Variants in GAK observed in about 807,000 individuals in gnomAD.
GAK encodes the protein cyclin-G-associated kinase.
In GAK, 79 loss-of-function variants were observed where a neutral mutation model predicts 143.9. That is an observed-to-expected ratio of 0.55 (90% CI 0.46 to 0.66). GAK has a LOEUF of 0.66. Among genes scored for constraint, GAK ranks in the 30% least tolerant of loss-of-function variants. The pLI is 0.00. For synonymous variants in GAK, 881 were observed against 765.5 expected (o/e 1.15, Z -2.49); for missense variants, 1,693 against 1,779.7 (o/e 0.95, Z 0.88).
At chr4:893,824 G>C (rs767663606) in intron 8 of GAK, 50 bp downstream of exon 8, 8 of 1,518,846 alleles carry the variant, frequency 5.3e-6, no homozygotes, top group East Asian at 2.4e-5. Flanking sequence ...AGCCACGCGG[G>C]GTCTGTGCTC....
intron 24 of GAK, chr4:852,381 G>A (rs908042555): frequency 8.4e-5 from 20 of 239,482 alleles, no homozygotes; most frequent in Admixed American, 6.5e-4. Flanking sequence ...GTCCTAGAGG[G>A]CCACCACCAT....
intron 13 of GAK, 140 bp downstream of exon 13, chr4:883,175 C>T: frequency 1.0e-6 from 1 of 997,300 alleles, no homozygotes; most frequent in Non-Finnish European, 1.4e-6. Flanking sequence ...CCCCTCCTGT[C>T]CCACGCTCTG....
chr4:914,279 CA>C (rs1722606594), intron 1 of GAK, among the ~76,000 whole-genome samples: 1 of 106,854 alleles, frequency 9.4e-6, no homozygotes, highest in Non-Finnish European at 1.9e-5. Flanking sequence ...TGCACGGCCA[CA>C]CACACACACA....
At chr4:877,045 C>T in intron 17 of GAK, 45 bp downstream of exon 17, 2 of 1,347,006 alleles carry the variant, frequency 1.5e-6, no homozygotes, top group Non-Finnish European at 1.1e-6. Flanking sequence ...CCCCATGAGC[C>T]TAGGCGTGAG....
chr4:888,232 G>C (rs1716918216), intron 11 of GAK: 1 of 152,360 alleles, frequency 6.6e-6, no homozygotes, highest in Non-Finnish European at 1.5e-5. Flanking sequence ...TGCGACCGCA[G>C]GGCCAGATGA....
chr4:865,321 C>CTCA (rs1750975083), intron 22 of GAK, 77 bp from the exon 23 acceptor site: 1 of 1,588,570 alleles, frequency 6.3e-7, no homozygotes, highest in Non-Finnish European at 8.6e-7. Flanking sequence ...CCAGGCTGTG[C>CTCA]TCAGGGCCCT....
rs776063176 is a variant in GAK at position 851,018 on chromosome 4, C to A, written c.3575G>T (p.Arg1192Met). 5 of 1,614,060 alleles carry A rather than the reference C, an allele frequency of 3.1e-6. No homozygotes were observed. The Admixed American group carries it at 8.3e-5, about 27-fold the overall frequency. ...DLLSNQGFSS[R>M]SDKKGPKTIA... ...GGTCTTTGGCCCTTTCTTGTCAGACCTGGAGGAGAAGCCTTGATTGGACAA... is the reference window on the plus strand; with the variant it reads ...GGTCTTTGGCCCTTTCTTGTCAGACATGGAGGAGAAGCCTTGATTGGACAA... Residue 1192 changes from arginine to methionine, a missense_variant, in exon 26 of 28, where the codon AGG becomes ATG. By Grantham distance (91) the Arg-to-Met change is moderately conservative (BLOSUM62 -1). Coordinates refer to ENST00000314167, the MANE Select transcript of GAK (RefSeq NM_005255.4).
At chr4:870,211 C>G (rs1284491699) in intron 19 of GAK, among the ~76,000 whole-genome samples, 1 of 152,204 alleles carries the variant, frequency 6.6e-6, no homozygotes, top group Non-Finnish European at 1.5e-5. Context: ...ACACTGCAAA[C>G]CAAGAGCCGA....
chr4:913,874 G>GC (rs1165151976), intron 1 of GAK: 9 of 379,874 alleles, frequency 2.4e-5, no homozygotes, highest in East Asian at 5.2e-5. Context: ...AGCGTGCACG[G>GC]CCCCCCCACA....
intron 1 of GAK, among the ~76,000 whole-genome samples, chr4:930,820 G>C (rs896417749): frequency 3.3e-5 from 5 of 152,158 alleles, no homozygotes; most frequent in African/African-American, 1.2e-4. Context: ...TGGAGACAAA[G>C]TGTGTGATAA....
At chr4:911,644 G>T in intron 4 of GAK, 29 bp downstream of exon 4, 1 of 1,519,576 alleles carries the variant, frequency 6.6e-7, no homozygotes, top group Non-Finnish European at 9.1e-7. Context: ...GGGTTAGATG[G>T]CACCAAGCCG....
At chr4:930,064 G>T (rs1309856486) in intron 1 of GAK, among the ~76,000 whole-genome samples, 1 of 152,224 alleles carries the variant, frequency 6.6e-6, no homozygotes, top group Non-Finnish European at 1.5e-5. Flanking sequence ...TTCTGGAAGT[G>T]TAAACATCTG....
chr4:898,884 G>C (rs1719326524), intron 5 of GAK, among the ~76,000 whole-genome samples: 1 of 151,974 alleles, frequency 6.6e-6, no homozygotes, highest in South Asian at 2.1e-4. Flanking sequence ...AGTATACAGA[G>C]ACACAAAGAA....
chr4:924,278 A>C (rs1724344519), intron 1 of GAK, among the ~76,000 whole-genome samples: 1 of 152,096 alleles, frequency 6.6e-6, no homozygotes, highest in Non-Finnish European at 1.5e-5. Context: ...GAATGGATGT[A>C]ATCAAAATGA....
At chr4:881,874 G>C in intron 15 of GAK, 33 bp downstream of exon 15, 1 of 1,545,928 alleles carries the variant, frequency 6.5e-7, no homozygotes, top group South Asian at 1.2e-5. Context: ...GGCCCACAGA[G>C]CTGTCCCCTG....
intron 24 of GAK, among the ~76,000 whole-genome samples, chr4:858,050 G>A (rs1346687602): frequency 2.0e-5 from 3 of 152,138 alleles, no homozygotes; most frequent in Non-Finnish European, 2.9e-5. Context: ...AGATTCTTCC[G>A]TTCTATTTCA....
intron 9 of GAK, among the ~76,000 whole-genome samples, chr4:891,117 C>A: frequency 6.6e-6 from 1 of 152,104 alleles, no homozygotes; most frequent in South Asian, 2.1e-4. Context: ...CGCCACCACG[C>A]CTGGCTAATT....
rs958748672 is a variant in GAK at position 890,557 on chromosome 4, G to A, written c.1056C>T (p.Gly352=). Residue 352 remains glycine (G), a synonymous_variant, in exon 10 of 28, where the codon GGC becomes GGT. Transcript: ENST00000314167. ...CTCCACTGTAGCCACTGCCAGCGGG[G>A]CCCACGGGAGGGGGTGGCCCTCGGG... ...TLSRGPPPPV[G]PAGSGYSGGL... 1.2e-6 allele frequency: 2 copies of A among 1,610,616 alleles called. No individual in the cohort carries two copies. The highest frequency in any genetic ancestry group is 2.2e-5 in the East Asian group (1 of 44,732).
At position 877,769 on chromosome 4, in the gene GAK, T is replaced by A. The variant is rs545917618; in HGVS notation, c.1702A>T (p.Ile568Phe). 2 of 1,611,452 alleles carry A rather than the reference T, an allele frequency of 1.2e-6. No homozygotes were observed. Among genetic ancestry groups the A allele is most frequent in the South Asian group, 2.2e-5 (2 of 90,716 alleles). ...AGGATGGGCTTGCTGTGGGGTGTGATGGGCTCCTCCGCCACCATGTCACAC... is the reference window on the plus strand; with the variant it reads ...AGGATGGGCTTGCTGTGGGGTGTGAAGGGCTCCTCCGCCACCATGTCACAC... The part of the protein sequence containing the change: ...YMCDMVAEEP[I>F]TPHSKPILVR... The change falls in exon 16 of 28, where the codon ATC becomes TTC. Residue 568 changes from isoleucine to phenylalanine, a missense_variant. By Grantham distance (21) the Ile-to-Phe change is conservative. Transcript: ENST00000314167.
Sources: gnomAD v4.1 joint callset for allele counts (sites outside exome capture counted in the v4.1 genomes callset) on GRCh38, gnomAD v4.1.1 for gene constraint, MANE v1.5 for transcripts, NCBI Gene and HGNC (gene_info 2026-07-23, HGNC 2026-07-21) for gene names.